The following NR3C2 variants were observed in gnomAD, a reference collection of about 807,000 sequenced individuals.
The protein encoded by NR3C2 is mineralocorticoid receptor.
In NR3C2, 15 loss-of-function variants were observed where a neutral mutation model predicts 86.4. That is an observed-to-expected ratio of 0.17 (90% CI 0.12 to 0.27). The LOEUF (loss-of-function observed/expected upper bound fraction) is 0.27. NR3C2 is among the 10% of genes least tolerant of loss of function. The probability of loss-of-function intolerance (pLI) is 1.00; values close to 1 mark genes in which losing one functional copy is unlikely to be tolerated. For synonymous variants in NR3C2, 458 were observed against 450.5 expected, an observed-to-expected ratio of 1.02 and a Z score of -0.21; for missense variants, 960 against 1,195.6, an observed-to-expected ratio of 0.80 and a Z score of 2.91.
At chr4:148,141,278 C>T (rs1402813559) in intron 6 of NR3C2, among the ~76,000 whole-genome samples, 2 of 151,666 alleles carry the variant, frequency 1.3e-5, no homozygotes, top group African/African-American at 4.8e-5. Context: ...ACTAAAAATA[C>T]AAAAAATTAG....
intron 6 of NR3C2, among the ~76,000 whole-genome samples, chr4:148,133,530 C>G (rs965250094): frequency 2.0e-5 from 3 of 152,180 alleles, no homozygotes; most frequent in African/African-American, 4.8e-5. Context: ...AATTTAGAAA[C>G]GTTACCAGAC....
chr4:148,274,340 T>C (rs1225116642), intron 2 of NR3C2, among the ~76,000 whole-genome samples: 1 of 152,182 alleles, frequency 6.6e-6, no homozygotes, highest in Non-Finnish European at 1.5e-5. Flanking sequence ...AGAAAAATAA[T>C]GGCACAGATA....
At chr4:148,304,990 C>T (rs1195452930) in intron 2 of NR3C2, among the ~76,000 whole-genome samples, 5 of 148,498 alleles carry the variant, frequency 3.4e-5, no homozygotes, top group African/African-American at 5.0e-5. Context: ...GGTCATGACA[C>T]AAGAACCCAG....
chr4:148,307,594 T>C (rs1463230593), intron 2 of NR3C2, among the ~76,000 whole-genome samples: 1 of 152,148 alleles, frequency 6.6e-6, no homozygotes, highest in Non-Finnish European at 1.5e-5. Flanking sequence ...AACATGCCCA[T>C]GTGATCTTCA....
At chr4:148,165,433 C>A (rs1734836802) in intron 4 of NR3C2, among the ~76,000 whole-genome samples, 1 of 152,026 alleles carries the variant, frequency 6.6e-6, no homozygotes, top group African/African-American at 2.4e-5. Flanking sequence ...AGAGTTTTAT[C>A]TCCACTATTA....
intron 3 of NR3C2, among the ~76,000 whole-genome samples, chr4:148,259,760 G>T (rs1740004595): frequency 6.6e-6 from 1 of 152,110 alleles, no homozygotes; most frequent in African/African-American, 2.4e-5. Context: ...ATCCTCTTTG[G>T]TTGATCCTTG....
At chr4:148,222,988 A>C (rs953557945) in intron 3 of NR3C2, among the ~76,000 whole-genome samples, 1 of 152,314 alleles carries the variant, frequency 6.6e-6, no homozygotes, top group Non-Finnish European at 1.5e-5. Context: ...GTGGTAAAAA[A>C]CCAAAACAAA....
intron 2 of NR3C2, among the ~76,000 whole-genome samples, chr4:148,299,889 T>C (rs1328470409): frequency 6.6e-6 from 1 of 152,238 alleles, no homozygotes; most frequent in Non-Finnish European, 1.5e-5. Context: ...TTTTCCCTTT[T>C]AGAAGCCGTG....
At chr4:148,366,530 T>C (rs370038937) in intron 2 of NR3C2, among the ~76,000 whole-genome samples, 46 of 110,912 alleles carry the variant, frequency 4.1e-4, no homozygotes, top group African/African-American at 1.5e-3. Context: ...GAAAAAATAA[T>C]TGGCTCTAGA....
intron 4 of NR3C2, among the ~76,000 whole-genome samples, chr4:148,192,994 G>A (rs1736271055): frequency 6.6e-6 from 1 of 152,196 alleles, no homozygotes; most frequent in Non-Finnish European, 1.5e-5. Flanking sequence ...TTCTGGCAAG[G>A]AGGCTTCTCA....
chr4:148,302,832 G>C (rs1742408076), intron 2 of NR3C2, among the ~76,000 whole-genome samples: 1 of 131,248 alleles, frequency 7.6e-6, no homozygotes. Context: ...GGCTACAAGA[G>C]CGAAACTCCG....
At chr4:148,347,801 C>G (rs1031141760) in intron 2 of NR3C2, among the ~76,000 whole-genome samples, 1 of 152,046 alleles carries the variant, frequency 6.6e-6, no homozygotes, top group African/African-American at 2.4e-5. Flanking sequence ...ATAATAATAA[C>G]CAGCCAACCA....
intron 2 of NR3C2, among the ~76,000 whole-genome samples, chr4:148,350,082 G>A (rs764032837): frequency 5.9e-5 from 9 of 152,160 alleles, no homozygotes; most frequent in Non-Finnish European, 1.0e-4. Context: ...TGTCCCAGGT[G>A]CTTTATGCTC....
intron 4 of NR3C2, among the ~76,000 whole-genome samples, chr4:148,189,442 A>G (rs1418425012): frequency 1.3e-5 from 2 of 152,208 alleles, no homozygotes; most frequent in African/African-American, 4.8e-5. Flanking sequence ...TCGGTTAGCT[A>G]GTATTTTGTT....
intron 4 of NR3C2, among the ~76,000 whole-genome samples, chr4:148,170,753 T>A (rs1735090113): frequency 6.6e-6 from 1 of 152,218 alleles, no homozygotes; most frequent in South Asian, 2.1e-4. Context: ...AAAACTTACA[T>A]TTAGTTTCCT....
At chr4:148,363,655 C>T (rs1436362753) in intron 2 of NR3C2, among the ~76,000 whole-genome samples, 1 of 152,030 alleles carries the variant, frequency 6.6e-6, no homozygotes, top group Non-Finnish European at 1.5e-5. Flanking sequence ...AGGTGCCCAC[C>T]ACCACGCCCG....
At chr4:148,320,787 G>T (rs1160212924) in intron 2 of NR3C2, among the ~76,000 whole-genome samples, 3 of 150,316 alleles carry the variant, frequency 2.0e-5, no homozygotes, top group African/African-American at 4.9e-5. Flanking sequence ...TATTAGTCTT[G>T]CTAGCGGTCT....
intron 6 of NR3C2, among the ~76,000 whole-genome samples, chr4:148,139,185 A>G (rs1391808578): frequency 6.6e-6 from 1 of 152,224 alleles, no homozygotes; most frequent in Non-Finnish European, 1.5e-5. Flanking sequence ...CCAAAGCTCT[A>G]TACTGTGTGT....
chr4:148,138,630 C>CTAA (rs1733463276), intron 6 of NR3C2, among the ~76,000 whole-genome samples: 1 of 152,168 alleles, frequency 6.6e-6, no homozygotes, highest in Non-Finnish European at 1.5e-5. Context: ...GCAATCTGCC[C>CTAA]ACCTCAGCCT....
Sources: gnomAD v4.1 joint callset for allele counts (sites outside exome capture counted in the v4.1 genomes callset) on GRCh38, gnomAD v4.1.1 for gene constraint, MANE v1.5 for transcripts, NCBI Gene and HGNC (gene_info 2026-07-23, HGNC 2026-07-21) for gene names.